SSH1: variants seen among roughly 807,000 people sequenced by gnomAD.
SSH1 encodes the protein protein phosphatase Slingshot homolog 1.
In SSH1, 43 loss-of-function variants were observed where a neutral mutation model predicts 79.7. That is an observed-to-expected ratio of 0.54 (90% CI 0.42 to 0.70). The LOEUF (loss-of-function observed/expected upper bound fraction) is 0.70, where lower values mean the gene tolerates loss of function less well. Ranked by LOEUF, SSH1 falls within the 30% of genes least tolerant of loss-of-function variation. The pLI is 0.00. For missense variants in SSH1, 1,206 were observed against 1,358.8 expected (o/e 0.89, Z 1.77); for synonymous variants, 599 against 538.3 (o/e 1.11, Z -1.56).
At chr12:108,813,416 T>C (rs1341942646) in intron 5 of SSH1, among the ~76,000 whole-genome samples, 1 of 151,752 alleles carries the variant, frequency 6.6e-6, no homozygotes, top group Non-Finnish European at 1.5e-5. Context: ...CCAATCCGAA[T>C]CGAAAACATA....
rs746837080 is a variant in SSH1, at chr12:108,789,183, C to A, written c.1955G>T (p.Cys652Phe). 4 of 1,609,560 alleles carry A rather than the reference C, an allele frequency of 2.5e-6. No homozygotes were observed. The African/African-American group carries it at 5.3e-5, about 22-fold the overall frequency. The change falls in exon 15 of 15, where the codon TGC (cysteine) becomes TTC (phenylalanine). Residue 652 changes from cysteine to phenylalanine, a missense_variant. Cys to Phe is a radical substitution (Grantham distance 205). This residue lies in a region of SSH1 where 709 missense variants were observed against 730.6 expected (regional missense o/e 0.97). Transcript: ENST00000326495. ...AGCCCCGCTGGCTGTAGGGTACATG[C>A]AGTCGGCACAGGATTTATAGGAAGG... ...VKPSYKSCADCMYPTASGAPE... is the reference protein window; with the variant it reads ...VKPSYKSCADFMYPTASGAPE...
At chr12:108,808,821 C>CTTTTTTTTTTTT (rs148110288) in intron 7 of SSH1, among the ~76,000 whole-genome samples, 9 of 80,228 alleles carry the variant, frequency 1.1e-4, no homozygotes, top group Non-Finnish European at 1.9e-4. Flanking sequence ...TCTTTTACTT[C>CTTTTTTTTTTTT]TTTTTTTTTT....
At chr12:108,821,216 TACACACACAC>T (rs34074449) in intron 3 of SSH1, among the ~76,000 whole-genome samples, 1 of 147,584 alleles carries the variant, frequency 6.8e-6, no homozygotes, top group Admixed American at 6.8e-5. Context: ...AGACCTCATC[TACACACACAC>T]ACACACACAC....
chr12:108,792,521 G>A lies in SSH1; in HGVS notation c.1658C>T (p.Pro553Leu), dbSNP rs761861980. The A allele has an allele frequency of 1.9e-5, 30 of 1,614,020 alleles. No homozygotes were observed. In the South Asian group the frequency reaches 2.1e-4, roughly 11 times the overall value. ...EAAPPAEVHR[P>L]ARQPQQGSGL... ...GGAACCTTGCTGGGGCTGTCTGGCC[G>A]GCCTGTGCACCTCTGCAGGTGGAGC... The change falls in exon 14 of 15, where the codon CCG becomes CTG. Residue 553 changes from proline (P) to leucine (L), a missense_variant. Coordinates refer to ENST00000326495, the MANE Select transcript of SSH1 (RefSeq NM_018984.4).
chr12:108,791,993 G>T, intron 14 of SSH1: 13 of 1,334,202 alleles, frequency 9.7e-6, no homozygotes, highest in Non-Finnish European at 1.3e-5. Context: ...CCTGCCCAGG[G>T]TATGAATAAG....
At chr12:108,831,646 C>T (rs2038477197) in intron 2 of SSH1, among the ~76,000 whole-genome samples, 1 of 152,046 alleles carries the variant, frequency 6.6e-6, no homozygotes, top group Admixed American at 6.5e-5. Context: ...GAAATGAAGC[C>T]TGCGAGGCCC....
intron 2 of SSH1, among the ~76,000 whole-genome samples, chr12:108,831,118 G>GA (rs917635973): frequency 1.3e-5 from 2 of 151,802 alleles, no homozygotes; most frequent in African/African-American, 2.4e-5. Context: ...GCTGTATCTC[G>GA]AAAAAAAAGT....
chr12:108,849,435 T>C (rs1162096602), intron 2 of SSH1, among the ~76,000 whole-genome samples: 2 of 152,084 alleles, frequency 1.3e-5, no homozygotes, highest in Non-Finnish European at 2.9e-5. Flanking sequence ...CGCACGCCTG[T>C]AGTCCCAGCT....
rs1460734784 is a variant in SSH1 at position 108,807,894 on chromosome 12, C to T, written c.537-67G>A. 17 of 1,420,224 alleles carry T rather than the reference C, an allele frequency of 1.2e-5. No individual in the cohort carries two copies. In the South Asian group the frequency reaches 1.4e-4, roughly 12 times the overall value. 88.0% of individuals were successfully genotyped at this position (1,420,224 alleles called of 1,614,324 possible). A position where few individuals can be genotyped will look rare whatever the true frequency, so the allele number is the denominator to read the frequency against. Reference sequence around the variant, plus strand: ...AGAGATGCAGGGTTTTCTCCTCTGACAAAGGGGTTCAAATACGGGAAGGGA... The same window carrying T: ...AGAGATGCAGGGTTTTCTCCTCTGATAAAGGGGTTCAAATACGGGAAGGGA... On this transcript the variant is annotated intron_variant, in intron 7 of 14. Coordinates refer to ENST00000326495, the MANE Select transcript of SSH1 (RefSeq NM_018984.4). The surrounding 1 kb of genome is among the most constrained non-coding windows in gnomAD (Gnocchi z 5.2).
In SSH1 at chr12:108,807,791, C is replaced by T; in HGVS notation, c.573G>A (p.Val191=). The change falls in exon 8 of 15, where the codon GTG becomes GTA. Residue 191 remains valine (V), a synonymous_variant. Coordinates refer to ENST00000326495, the MANE Select transcript of SSH1 (RefSeq NM_018984.4). This position sits in a 1 kb window ranked among gnomAD's most constrained non-coding sequence, Gnocchi z 5.2. ...ALQVLHKACE[V]ARRHNYFPGG... ...CGGGGAAGTAGTTGTGCCTCCGGGC[C>T]ACTTCGCAGGCCTTGTGAAGCACCT... The T allele has an allele frequency of 6.2e-7, 1 of 1,613,984 alleles. No individual in the cohort carries two copies. Among genetic ancestry groups the T allele is most frequent in the Non-Finnish European group, 8.5e-7 (1 of 1,179,986 alleles).
At position 108,800,928 on chromosome 12, in the gene SSH1, TG is replaced by T; in HGVS notation, c.1002-3del. The T allele has an allele frequency of 6.2e-7, 1 of 1,612,752 alleles. No individual in the cohort carries two copies. Among genetic ancestry groups the T allele is most frequent in the Non-Finnish European group, 8.5e-7 (1 of 1,179,498 alleles). ...GTAACATTTAAAATGTAATCAACCC[TG>T]CAATGAGAAAAAAATAAGAAACAAA... On this transcript the variant is annotated splice_region_variant and splice_polypyrimidine_tract_variant and intron_variant, in intron 11 of 14. Coordinates refer to ENST00000326495, the MANE Select transcript of SSH1 (RefSeq NM_018984.4).
At position 108,805,112 on chromosome 12, in the gene SSH1, G is replaced by GCAT; in HGVS notation, c.895_897dup (p.Met299dup). 6.2e-7 allele frequency: 1 copy of GCAT among 1,613,898 alleles called. No homozygotes were observed. Among genetic ancestry groups the GCAT allele is most frequent in the South Asian group, 1.1e-5 (1 of 91,070 alleles). ...TTGTCCATCTGTCCCAAGATAAGTA[G>GCAT]CATCTCATTGTCTATAAATTCCTTG... On this transcript the variant is annotated inframe_insertion, in exon 10 of 15. Transcript: ENST00000326495.
At chr12:108,806,492 G>C (rs1022905222) in intron 8 of SSH1, 98 bp from the exon 9 acceptor site, 2 of 1,084,178 alleles carry the variant, frequency 1.8e-6, no homozygotes, top group East Asian at 2.4e-5. Context: ...AACAGAACAC[G>C]GCTTGGCAAG....
At chr12:108,814,857 G>A (rs1253727724) in intron 5 of SSH1, among the ~76,000 whole-genome samples, 2 of 152,228 alleles carry the variant, frequency 1.3e-5, no homozygotes, top group Non-Finnish European at 2.9e-5. Context: ...AAGGAAGAGC[G>A]CCATGGGGGC....
In SSH1 at chr12:108,788,058, G is replaced by A; in HGVS notation, c.3080C>T (p.Ala1027Val). 6.2e-7 allele frequency: 1 copy of A among 1,614,124 alleles called. No individual in the cohort carries two copies. Among genetic ancestry groups the A allele is most frequent in the Non-Finnish European group, 8.5e-7 (1 of 1,180,032 alleles). ...GGGTTTCCCTGATGGTTTGGAGGTT[G>A]CAGCTGGGTCCCTCGGGGTTCCCTG... Reference protein sequence around the residue: ...EPQGTPRDPAATSKPSGKPAP... With the variant: ...EPQGTPRDPAVTSKPSGKPAP... The change falls in exon 15 of 15, where the codon GCA becomes GTA. Residue 1027 changes from alanine to valine, a missense_variant. Around this residue, in one of 5 missense-constraint regions of SSH1, gnomAD observed 709 missense variants for 730.6 expected, o/e 0.97. Coordinates refer to ENST00000326495, the MANE Select transcript of SSH1 (RefSeq NM_018984.4).
rs1196019764 is a variant in SSH1, at chr12:108,828,939, T to C, written c.111-5578A>G. Reference sequence around the variant, plus strand: ...TCTGCAGGGTAAGGTATTTTCTCCATATGACAAACGAAGGAAGCCCGTCAA... The same window carrying C: ...TCTGCAGGGTAAGGTATTTTCTCCACATGACAAACGAAGGAAGCCCGTCAA... On this transcript the variant is annotated intron_variant, in intron 2 of 14. Transcript: ENST00000326495. 3.9e-5 allele frequency among the ~76,000 whole-genome samples: 6 copies of C among 152,168 alleles called. No individual in the cohort carries two copies. The East Asian group carries it at 1.2e-3, about 29-fold the overall frequency.
At chr12:108,792,183 G>A in intron 14 of SSH1, 103 bp downstream of exon 14, 2 of 1,575,676 alleles carry the variant, frequency 1.3e-6, no homozygotes, top group East Asian at 2.3e-5. Context: ...AGCTGGGTGT[G>A]GTGGCGGGTG....
At chr12:108,828,627 C>T (rs916485300) in intron 2 of SSH1, among the ~76,000 whole-genome samples, 1 of 152,176 alleles carries the variant, frequency 6.6e-6, no homozygotes, top group Non-Finnish European at 1.5e-5. Flanking sequence ...GAAGACGAGA[C>T]TGTGCCGGGG....
rs906233739 is a variant in SSH1 at position 108,811,168 on chromosome 12, G to A, written c.470+92C>T. The A allele has an allele frequency of 5.1e-5, 59 of 1,156,928 alleles. 1 individual carries two copies. In the African/African-American group the frequency reaches 8.8e-4, roughly 17 times the overall value. The allele number at this position is 1,156,928 out of a possible 1,614,324, so 71.7% of individuals were successfully genotyped here. On this transcript the variant is annotated intron_variant, in intron 6 of 14. Coordinates refer to ENST00000326495, the MANE Select transcript of SSH1 (RefSeq NM_018984.4). ...ACACTCCCGCCACACGTGTCATTCA[G>A]TGCTAATGATCATCCAAGGATGCCT... is the stretch of plus-strand genomic sequence containing the variant.
Sources: allele counts gnomAD v4.1 joint callset (sites outside exome capture counted in the v4.1 genomes callset), GRCh38; gene constraint gnomAD v4.1.1; regional missense constraint gnomAD v4.1.1; non-coding constraint Gnocchi (gnomAD v3.1); transcripts MANE v1.5; gene names NCBI Gene and HGNC (gene_info 2026-07-23, HGNC 2026-07-21).